Variants in STRN3 observed in about 807,000 individuals in gnomAD.
STRN3 encodes the protein striatin 3.
In STRN3, 29 loss-of-function variants were observed where a neutral mutation model predicts 95.6. The observed-to-expected ratio is 0.30, with a 90% CI of 0.23 to 0.41. STRN3 has a LOEUF of 0.41. Among genes scored for constraint, STRN3 ranks in the 10% least tolerant of loss-of-function variants. The pLI, the probability that STRN3 is intolerant of heterozygous loss-of-function variation, is 1.00. For missense variants in STRN3, 890 were observed against 972.1 expected (o/e 0.92, Z 1.12); for synonymous variants, 331 against 357.6 (o/e 0.93, Z 0.84).
Position 30,936,633 on chromosome 14 carries a change from AGG to A in STRN3, c.717-11_717-10del, listed in dbSNP as rs1369463412. On this transcript the variant is annotated splice_polypyrimidine_tract_variant and intron_variant, in intron 5 of 17. Transcript: ENST00000357479. Reference sequence around the variant, plus strand: ...GAACATCACCAGAGGACCTGTGCGAAGGAAAAAAAGATAAATCCAACTATTCC... The same window carrying A: ...GAACATCACCAGAGGACCTGTGCGAAAAAAAAAGATAAATCCAACTATTCC... 1 of 1,597,666 alleles carries A rather than the reference AGG, an allele frequency of 6.3e-7. No individual in the cohort carries two copies. The highest frequency in any genetic ancestry group is 8.5e-7 in the Non-Finnish European group (1 of 1,175,814).
At chr14:30,917,174 A>T (rs1219438024) in intron 9 of STRN3, among the ~76,000 whole-genome samples, 2 of 152,248 alleles carry the variant, frequency 1.3e-5, no homozygotes, top group South Asian at 2.1e-4. Flanking sequence ...TTTAAATAAC[A>T]AATTCCAGGA....
chr14:30,908,609 G>C (rs577595547), intron 13 of STRN3, among the ~76,000 whole-genome samples: 7 of 152,116 alleles, frequency 4.6e-5, no homozygotes, highest in African/African-American at 1.4e-4. Flanking sequence ...AGCAACATTC[G>C]AAAGTGCAGA....
At chr14:30,925,834 A>C (rs2139037805) in intron 8 of STRN3, among the ~76,000 whole-genome samples, 1 of 152,262 alleles carries the variant, frequency 6.6e-6, no homozygotes, top group East Asian at 1.9e-4. Context: ...TTTTTAAAGA[A>C]ATCAAAAGGC....
chr14:30,900,355 A>G (rs1442484247), intron 16 of STRN3, among the ~76,000 whole-genome samples: 2 of 144,490 alleles, frequency 1.4e-5, no homozygotes, highest in Non-Finnish European at 1.5e-5. Flanking sequence ...ATGAAACTCC[A>G]TCTCAAAAAA....
At chr14:31,021,156 A>G (rs2139355474) in intron 1 of STRN3, among the ~76,000 whole-genome samples, 1 of 152,210 alleles carries the variant, frequency 6.6e-6, no homozygotes, top group South Asian at 2.1e-4. Flanking sequence ...GTGTTTTGTC[A>G]AGGGAAAGAG....
At chr14:30,993,933 T>C (rs1339887559) in intron 1 of STRN3, among the ~76,000 whole-genome samples, 1 of 151,222 alleles carries the variant, frequency 6.6e-6, no homozygotes, top group Admixed American at 6.6e-5. Flanking sequence ...TGGAGTACAA[T>C]GGCACACAAT....
intron 13 of STRN3, among the ~76,000 whole-genome samples, chr14:30,907,764 T>C (rs1896504112): frequency 6.6e-6 from 1 of 152,176 alleles, no homozygotes; most frequent in South Asian, 2.1e-4. Context: ...TGCCAAATAA[T>C]ATTCTGCTGT....
intron 8 of STRN3, among the ~76,000 whole-genome samples, chr14:30,925,836 T>A (rs913216634): frequency 7.9e-5 from 12 of 152,030 alleles, no homozygotes; most frequent in African/African-American, 2.7e-4. Flanking sequence ...TTTAAAGAAA[T>A]CAAAAGGCTA....
rs1594415701 is a variant in STRN3 at position 30,905,626 on chromosome 14, AT to A, written c.1889-69del. The A allele has an allele frequency of 5.3e-6, 8 of 1,515,392 alleles. No homozygotes were observed. In the East Asian group the frequency reaches 1.9e-4, roughly 36 times the overall value. 93.9% of individuals were successfully genotyped at this position (1,515,392 alleles called of 1,614,324 possible). On this transcript the variant is annotated intron_variant, in intron 14 of 17. Transcript: ENST00000357479. ...TACTATGAAATCTCTACTTTTTGAA[AT>A]CTCTGTTTTTCTAATCAGAAAAAGG...
At chr14:31,022,413 G>C (rs945640547) in intron 1 of STRN3, among the ~76,000 whole-genome samples, 1 of 150,570 alleles carries the variant, frequency 6.6e-6, no homozygotes, top group African/African-American at 2.4e-5. Context: ...TAAACTCTTT[G>C]ACTACATTTT....
intron 1 of STRN3, among the ~76,000 whole-genome samples, chr14:31,013,721 G>A (rs1171260743): frequency 1.3e-5 from 2 of 151,550 alleles, no homozygotes; most frequent in African/African-American, 2.4e-5. Flanking sequence ...AGCCTCCAAA[G>A]CTAGGAATAC....
intron 1 of STRN3, chr14:31,018,801 C>G: frequency 2.2e-6 from 1 of 457,466 alleles, no homozygotes; most frequent in Non-Finnish European, 4.3e-6. Context: ...AACTTCAGAA[C>G]TCAGTAACTT....
intron 3 of STRN3, 38 bp downstream of exon 3, chr14:30,955,582 A>AT (rs750927388): frequency 4.7e-6 from 7 of 1,490,646 alleles, no homozygotes; most frequent in Non-Finnish European, 6.3e-6. Context: ...TAAAAAATGA[A>AT]TTAAAAAAAA....
intron 1 of STRN3, among the ~76,000 whole-genome samples, chr14:31,020,783 G>A (rs1326500743): frequency 6.6e-6 from 1 of 152,134 alleles, no homozygotes. Flanking sequence ...GTCCATGTCT[G>A]TAGTCCCACC....
chr14:30,980,691 G>A (rs560829728), intron 1 of STRN3, among the ~76,000 whole-genome samples: 3 of 152,122 alleles, frequency 2.0e-5, no homozygotes, highest in South Asian at 4.1e-4. Context: ...GTGACCCACC[G>A]CACCCGGCCC....
At chr14:30,999,969 A>C (rs1056359386) in intron 1 of STRN3, among the ~76,000 whole-genome samples, 2 of 152,240 alleles carry the variant, frequency 1.3e-5, no homozygotes, top group Non-Finnish European at 2.9e-5. Context: ...TTCATCAGAA[A>C]ACATGGCAGC....
At chr14:30,947,516 T>A (rs1014904957) in intron 4 of STRN3, among the ~76,000 whole-genome samples, 2 of 152,082 alleles carry the variant, frequency 1.3e-5, no homozygotes, top group Non-Finnish European at 2.9e-5. Flanking sequence ...GAAGCCCTAG[T>A]GTCTTAAAAT....
At position 31,010,454 on chromosome 14, in the gene STRN3, T is replaced by A. The variant is rs191279101; in HGVS notation, c.282+15450A>T. On this transcript the variant is annotated intron_variant, in intron 1 of 17. Transcript: ENST00000357479. ...ATAAAGAATTCACTCCTGAAACTTA[T>A]CAATTTTAATAAAAGAAAATAATCT... Among the ~76,000 whole-genome samples, 253 of 145,188 alleles carry A rather than the reference T, an allele frequency of 1.7e-3. 2 individuals are homozygous for A. The highest frequency in any genetic ancestry group is 5.9e-3 in the African/African-American group (231 of 39,178).
At chr14:30,943,871 C>T (rs1462528027) in intron 5 of STRN3, among the ~76,000 whole-genome samples, 3 of 151,630 alleles carry the variant, frequency 2.0e-5, no homozygotes, top group South Asian at 2.1e-4. Flanking sequence ...TGCCAGGGGC[C>T]GGAGGGAGGA....
Sources: gnomAD v4.1 joint callset for allele counts (sites outside exome capture counted in the v4.1 genomes callset) on GRCh38, gnomAD v4.1.1 for gene constraint, MANE v1.5 for transcripts, NCBI Gene and HGNC (gene_info 2026-07-23, HGNC 2026-07-21) for gene names.